Variants in CCDC171 observed in about 807,000 individuals in gnomAD.
The protein encoded by CCDC171 is coiled-coil domain containing 171.
CCDC171 carries 177 observed loss-of-function variants against 168.2 expected under a neutral mutation model. The observed-to-expected ratio is 1.05, with a 90% confidence interval of 0.93 to 1.19. CCDC171 has a LOEUF of 1.19. Ranked by LOEUF, CCDC171 falls within the 50% of genes most tolerant of loss-of-function variation. The pLI, the probability that CCDC171 is intolerant of heterozygous loss-of-function variation, is 0.00. For missense variants in CCDC171, 1,991 were observed against 1,539.0 expected (o/e 1.29, Z -4.91); for synonymous variants, 687 against 540.8 (o/e 1.27, Z -3.75).
chr9:15,571,570 C>T, intron 2 of CCDC171, 54 bp from the exon 3 acceptor site: 1 of 1,367,276 alleles, frequency 7.3e-7, no homozygotes, highest in Non-Finnish European at 9.9e-7. Context: ...CAGAAATGCT[C>T]TGAAATGTGC....
intron 7 of CCDC171, among the ~76,000 whole-genome samples, chr9:15,634,647 T>G (rs1007404032): frequency 9.9e-5 from 15 of 152,204 alleles, no homozygotes; most frequent in Admixed American, 9.8e-4. Flanking sequence ...AAACACTTTA[T>G]AGAGATGTAA....
intron 6 of CCDC171, among the ~76,000 whole-genome samples, chr9:15,606,476 T>A (rs1227065417): frequency 6.6e-6 from 1 of 152,242 alleles, no homozygotes; most frequent in Non-Finnish European, 1.5e-5. Context: ...TGTAGAACTT[T>A]GCTAGCCTTG....
At chr9:15,789,729 C>A (rs907835366) in intron 21 of CCDC171, among the ~76,000 whole-genome samples, 3 of 151,822 alleles carry the variant, frequency 2.0e-5, no homozygotes, top group Non-Finnish European at 2.9e-5. Context: ...TTAGGTATAT[C>A]TCCTAACGCT....
In CCDC171 at chr9:15,955,124, G is replaced by T. The variant is rs557662494; in HGVS notation, c.3754-16485G>T. The stretch of plus-strand genomic sequence containing the variant: ...TTTTAAAAAATTGCTGTAGCTATCT[G>T]TGTGTCAAGGATCAGCCTGAGATGT... On this transcript the variant is annotated intron_variant, in intron 25 of 25. Transcript: ENST00000380701. Among the ~76,000 whole-genome samples, 11 of 152,232 alleles carry T rather than the reference G, an allele frequency of 7.2e-5. No individual in the cohort carries two copies. In the South Asian group the frequency reaches 8.3e-4, roughly 11 times the overall value.
At chr9:15,628,682 C>G (rs367733209) in intron 7 of CCDC171, among the ~76,000 whole-genome samples, 1 of 152,210 alleles carries the variant, frequency 6.6e-6, no homozygotes, top group Non-Finnish European at 1.5e-5. Flanking sequence ...AGCAGCGGTT[C>G]TCCCAGCACG....
chr9:15,698,133 A>G (rs972276710), intron 11 of CCDC171, among the ~76,000 whole-genome samples: 4 of 151,918 alleles, frequency 2.6e-5, no homozygotes, highest in African/African-American at 4.8e-5. Flanking sequence ...CCATTAATCT[A>G]CCTCTCTTCA....
intron 21 of CCDC171, among the ~76,000 whole-genome samples, chr9:15,809,936 C>T (rs1350004819): frequency 6.6e-6 from 1 of 152,060 alleles, no homozygotes; most frequent in African/African-American, 2.4e-5. Flanking sequence ...CTGTTTGGTC[C>T]GTTTTACAGA....
intron 6 of CCDC171, among the ~76,000 whole-genome samples, chr9:15,603,042 C>T (rs137954383): frequency 0.022 from 3,338 of 150,604 alleles, 47 homozygotes; most frequent in Non-Finnish European, 0.032. Context: ...AGTGCAGTGG[C>T]GCGATCTTGG....
chr9:15,656,365 C>T (rs2047935502), intron 7 of CCDC171, among the ~76,000 whole-genome samples: 1 of 152,120 alleles, frequency 6.6e-6, no homozygotes, highest in South Asian at 2.1e-4. Flanking sequence ...TCATTTCACC[C>T]ATTCATTCCA....
the CCDC171 span, among the ~76,000 whole-genome samples, chr9:16,071,579 C>T: frequency 1.3e-5 from 2 of 152,214 alleles, no homozygotes; most frequent in African/African-American, 2.4e-5. Flanking sequence ...CCCACATGTG[C>T]GTCATGCACA....
At chr9:16,100,632 G>A in the CCDC171 span, among the ~76,000 whole-genome samples, 1 of 152,230 alleles carries the variant, frequency 6.6e-6, no homozygotes, top group South Asian at 2.1e-4. Flanking sequence ...CTTAGGATCA[G>A]GCTAATAGGG....
chr9:15,706,953 G>T (rs903484515), intron 11 of CCDC171, among the ~76,000 whole-genome samples: 2 of 152,218 alleles, frequency 1.3e-5, no homozygotes, highest in Non-Finnish European at 2.9e-5. Context: ...ACAACAAATT[G>T]GATTTTTCCT....
chr9:16,070,176 G>C, the CCDC171 span, among the ~76,000 whole-genome samples: 1 of 152,134 alleles, frequency 6.6e-6, no homozygotes. Flanking sequence ...TTGATGTCTT[G>C]GCGCACTGGG....
At chr9:15,633,089 T>A (rs1173079749) in intron 7 of CCDC171, among the ~76,000 whole-genome samples, 2 of 152,182 alleles carry the variant, frequency 1.3e-5, no homozygotes, top group African/African-American at 4.8e-5. Flanking sequence ...ACCTAGGCAT[T>A]AGCATTCAGG....
At chr9:15,566,546 G>A (rs1290120455) in intron 2 of CCDC171, among the ~76,000 whole-genome samples, 1 of 152,152 alleles carries the variant, frequency 6.6e-6, no homozygotes, top group Non-Finnish European at 1.5e-5. Flanking sequence ...GTGACAGAGC[G>A]AGACTTTGTC....
At chr9:15,942,490 T>A (rs1827844191) in intron 25 of CCDC171, among the ~76,000 whole-genome samples, 1 of 151,860 alleles carries the variant, frequency 6.6e-6, no homozygotes, top group Non-Finnish European at 1.5e-5. Flanking sequence ...GTTGTGTGGG[T>A]TGTATTTGAA....
chr9:15,832,733 A>T (rs1433705163), intron 21 of CCDC171, among the ~76,000 whole-genome samples: 2 of 152,184 alleles, frequency 1.3e-5, no homozygotes, highest in Non-Finnish European at 2.9e-5. Flanking sequence ...TCGACTTTAT[A>T]AGCACTGTAT....
intron 6 of CCDC171, among the ~76,000 whole-genome samples, chr9:16,025,817 G>T (rs770393888): frequency 1.3e-5 from 2 of 152,318 alleles, no homozygotes; most frequent in East Asian, 3.9e-4. Flanking sequence ...GACTGCCAAT[G>T]GGTGTGGGGT....
intron 25 of CCDC171, among the ~76,000 whole-genome samples, chr9:15,964,698 G>C (rs1194038357): frequency 2.0e-5 from 3 of 152,170 alleles, no homozygotes; most frequent in Non-Finnish European, 2.9e-5. Flanking sequence ...ATATTGTCTT[G>C]TCAGGCACAA....
Sources: allele counts gnomAD v4.1 joint callset (sites outside exome capture counted in the v4.1 genomes callset), GRCh38; gene constraint gnomAD v4.1.1; transcripts MANE v1.5; gene names NCBI Gene and HGNC (gene_info 2026-07-23, HGNC 2026-07-21).